SLC4A10: variants seen among roughly 807,000 people sequenced by gnomAD.
SLC4A10 encodes the protein sodium-driven chloride bicarbonate exchanger.
A neutral mutation model predicts 137.7 loss-of-function variants in SLC4A10; 42 were observed. That is an observed-to-expected ratio of 0.30 (90% CI 0.24 to 0.39). SLC4A10 has a LOEUF of 0.39. Among genes scored for constraint, SLC4A10 ranks in the 10% least tolerant of loss-of-function variants. SLC4A10 has a pLI of 1.00. For missense variants in SLC4A10, 925 were observed against 1,355.0 expected (o/e 0.68, Z 4.98); for synonymous variants, 474 against 464.1 (o/e 1.02, Z -0.27).
intron 2 of SLC4A10, among the ~76,000 whole-genome samples, chr2:161,778,806 A>G (rs755430777): frequency 3.8e-4 from 57 of 151,988 alleles, no homozygotes; most frequent in Non-Finnish European, 6.9e-4. Context: ...AGATATTAAA[A>G]TCTTTTAAGT....
At chr2:161,799,840 T>G (rs1301680122) in intron 2 of SLC4A10, among the ~76,000 whole-genome samples, 2 of 151,948 alleles carry the variant, frequency 1.3e-5, no homozygotes, top group Non-Finnish European at 2.9e-5. Flanking sequence ...CACACAGTTA[T>G]GCGCACAGGA....
At chr2:161,639,663 T>C (rs1574036870) in intron 1 of SLC4A10, among the ~76,000 whole-genome samples, 3 of 152,182 alleles carry the variant, frequency 2.0e-5, no homozygotes, top group Non-Finnish European at 4.4e-5. Flanking sequence ...ACGGTTAACA[T>C]CATACTTGAA....
intron 8 of SLC4A10, among the ~76,000 whole-genome samples, chr2:161,878,441 G>A (rs921231891): frequency 9.2e-5 from 14 of 151,966 alleles, no homozygotes; most frequent in East Asian, 1.9e-4. Flanking sequence ...ATTTCTTCTC[G>A]TTAATGATCA....
chr2:161,976,721 G>T, intron 24 of SLC4A10, 39 bp from the exon 25 acceptor site: 4 of 1,054,020 alleles, frequency 3.8e-6, no homozygotes, highest in Admixed American at 2.8e-5. Context: ...AGTTACTTAT[G>T]TAATGTTTAT....
chr2:161,775,601 C>T (rs990599361), intron 2 of SLC4A10, among the ~76,000 whole-genome samples: 28 of 151,854 alleles, frequency 1.8e-4, no homozygotes, highest in African/African-American at 6.0e-4. Context: ...GAATGCCACT[C>T]TATACTGAGC....
chr2:161,768,434 T>C (rs1352209623), intron 1 of SLC4A10, among the ~76,000 whole-genome samples: 1 of 152,016 alleles, frequency 6.6e-6, no homozygotes, highest in Non-Finnish European at 1.5e-5. Context: ...GTAGGTCTCT[T>C]TGGGGAAGGC....
intron 2 of SLC4A10, among the ~76,000 whole-genome samples, chr2:161,802,632 A>G (rs867968178): frequency 6.6e-6 from 1 of 152,146 alleles, no homozygotes; most frequent in Non-Finnish European, 1.5e-5. Context: ...AAAAAATACC[A>G]CAGGCTGGGC....
intron 2 of SLC4A10, among the ~76,000 whole-genome samples, chr2:161,772,232 C>T (rs2051711055): frequency 6.6e-6 from 1 of 151,712 alleles, no homozygotes; most frequent in Non-Finnish European, 1.5e-5. Context: ...TAATGGATAA[C>T]ATAAAAATAA....
At chr2:161,932,173 C>T (rs1258740436) in intron 15 of SLC4A10, among the ~76,000 whole-genome samples, 1 of 152,118 alleles carries the variant, frequency 6.6e-6, no homozygotes, top group African/African-American at 2.4e-5. Context: ...GCATACTACT[C>T]CTTACTAGTG....
intron 1 of SLC4A10, among the ~76,000 whole-genome samples, chr2:161,718,529 C>T (rs7602938): frequency 0.93 from 141,803 of 152,192 alleles, 66,131 homozygotes; most frequent in East Asian, 1. Context: ...AAAGAACTTC[C>T]TGATTTTTGC....
chr2:161,972,939 A>G (rs1020081381), intron 23 of SLC4A10, among the ~76,000 whole-genome samples: 1 of 152,222 alleles, frequency 6.6e-6, no homozygotes, highest in African/African-American at 2.4e-5. Flanking sequence ...TTCTTTAGGT[A>G]GCAAGAAATG....
At chr2:161,770,907 G>C in intron 1 of SLC4A10, 66 bp from the exon 2 acceptor site, 1 of 1,115,612 alleles carries the variant, frequency 9.0e-7, no homozygotes, top group African/African-American at 1.6e-5. Flanking sequence ...TTATATCAAG[G>C]TTTGTTTTTT....
intron 2 of SLC4A10, among the ~76,000 whole-genome samples, chr2:161,799,780 A>T (rs1020237205): frequency 1.3e-5 from 2 of 151,976 alleles, no homozygotes; most frequent in Non-Finnish European, 2.9e-5. Flanking sequence ...TTTTTGGATC[A>T]AGACAGAGAA....
rs569349562 is a variant in SLC4A10 at position 161,631,682 on chromosome 2, T to C, written c.48+7116T>C. Reference sequence around the variant, plus strand: ...AATTTCTTATGGCAATATTTTGCAGTTTTGTCTTAGTGTAAATTTCTATGC... The same window carrying C: ...AATTTCTTATGGCAATATTTTGCAGCTTTGTCTTAGTGTAAATTTCTATGC... On this transcript the variant is annotated intron_variant, in intron 1 of 26. Transcript: ENST00000446997. Among the ~76,000 whole-genome samples, 21 of 151,864 alleles carry C rather than the reference T, an allele frequency of 1.4e-4. No individual in the cohort carries two copies. The East Asian group carries it at 2.9e-3, about 21-fold the overall frequency.
intron 1 of SLC4A10, among the ~76,000 whole-genome samples, chr2:161,714,334 A>G (rs1242273919): frequency 6.6e-6 from 1 of 151,930 alleles, no homozygotes; most frequent in Non-Finnish European, 1.5e-5. Context: ...TTGGGCTTCA[A>G]GTTGTTCTAA....
intron 1 of SLC4A10, among the ~76,000 whole-genome samples, chr2:161,740,430 G>C (rs183931942): frequency 6.6e-6 from 1 of 152,144 alleles, no homozygotes; most frequent in Non-Finnish European, 1.5e-5. Flanking sequence ...ATTCCCATTA[G>C]AGTATTTCTC....
chr2:161,664,709 T>C (rs1233853649), intron 1 of SLC4A10, among the ~76,000 whole-genome samples: 1 of 26,564 alleles, frequency 3.8e-5, no homozygotes, highest in South Asian at 1.3e-3. Context: ...GGATTTTTTC[T>C]CCTTTTTTTT....
chr2:161,759,599 G>A (rs762146954), intron 1 of SLC4A10, among the ~76,000 whole-genome samples: 1 of 151,618 alleles, frequency 6.6e-6, no homozygotes, highest in African/African-American at 2.4e-5. Flanking sequence ...TTCTGTGTCT[G>A]GCTTATTTCA....
At chr2:161,789,478 T>C (rs1411708045) in intron 2 of SLC4A10, among the ~76,000 whole-genome samples, 1 of 152,088 alleles carries the variant, frequency 6.6e-6, no homozygotes, top group African/African-American at 2.4e-5. Flanking sequence ...AACTTTGATC[T>C]TTCTACAAAC....
Sources: allele counts gnomAD v4.1 joint callset (sites outside exome capture counted in the v4.1 genomes callset), GRCh38; gene constraint gnomAD v4.1.1; transcripts MANE v1.5; gene names NCBI Gene and HGNC (gene_info 2026-07-23, HGNC 2026-07-21).